The following PLBD1 variants were observed in gnomAD, a reference collection of about 807,000 sequenced individuals.
The protein encoded by PLBD1 is phospholipase B domain containing 1.
In PLBD1, 60 loss-of-function variants were observed where a neutral mutation model predicts 63.0. The ratio of observed to expected loss-of-function variants is 0.95; its 90% CI spans 0.77 to 1.18. The LOEUF is 1.18. Among genes scored for constraint, PLBD1 ranks in the 50% most tolerant of loss-of-function variants. The probability of loss-of-function intolerance (pLI) is 0.00; values close to 1 mark genes in which losing one functional copy is unlikely to be tolerated. For missense variants in PLBD1, 598 were observed against 677.9 expected (o/e 0.88, Z 1.31); for synonymous variants, 262 against 248.0 (o/e 1.06, Z -0.53).
At chr12:14,535,844 C>A in intron 5 of PLBD1, 41 bp from the exon 6 acceptor site, 1 of 1,587,514 alleles carries the variant, frequency 6.3e-7, no homozygotes. Flanking sequence ...ATGTACATAG[C>A]TAACTGACTG....
chr12:14,526,847 C>T (rs1488504382), intron 6 of PLBD1, among the ~76,000 whole-genome samples: 1 of 152,138 alleles, frequency 6.6e-6, no homozygotes, highest in African/African-American at 2.4e-5. Flanking sequence ...TGGCGCATGC[C>T]TGTAATCCCA....
Position 14,564,940 on chromosome 12 carries a change from A to C in PLBD1, c.115+2642T>G, listed in dbSNP as rs1299871840. 4.6e-5 allele frequency among the ~76,000 whole-genome samples: 7 copies of C among 152,312 alleles called. No homozygotes were observed. In the East Asian group the frequency reaches 1.4e-3, roughly 29 times the overall value. On this transcript the variant is annotated intron_variant, in intron 1 of 10. Coordinates refer to ENST00000240617, the MANE Select transcript of PLBD1 (RefSeq NM_024829.6). ...TTTTTCAGAACCAGATAAAGGTATG[A>C]TTTATTTCTCTAGTGACCACCTGAC...
intron 6 of PLBD1, among the ~76,000 whole-genome samples, chr12:14,515,214 A>T (rs1020422682): frequency 2.6e-5 from 4 of 152,150 alleles, no homozygotes; most frequent in Non-Finnish European, 5.9e-5. Flanking sequence ...GACAGGGTGG[A>T]GTTGAGGGAA....
At chr12:14,543,035 G>A (rs78680595) in intron 2 of PLBD1, among the ~76,000 whole-genome samples, 5,594 of 151,312 alleles carry the variant, frequency 0.037, 358 homozygotes, top group African/African-American at 0.13. Context: ...TGTCTCATAT[G>A]GTGTACAGTT....
chr12:14,531,700 G>A (rs564667409), intron 6 of PLBD1, among the ~76,000 whole-genome samples: 2 of 152,174 alleles, frequency 1.3e-5, no homozygotes, highest in South Asian at 2.1e-4. Flanking sequence ...GTGCTATCTC[G>A]GCTCCCTGCA....
intron 6 of PLBD1, chr12:14,530,069 G>A (rs1397142919): frequency 1.3e-5 from 2 of 152,198 alleles, no homozygotes; most frequent in Admixed American, 1.3e-4. Flanking sequence ...GTGGAAGTGA[G>A]CGTGTGTGAC....
intron 1 of PLBD1, among the ~76,000 whole-genome samples, chr12:14,558,376 T>C (rs1945722850): frequency 6.6e-6 from 1 of 152,132 alleles, no homozygotes; most frequent in Non-Finnish European, 1.5e-5. Flanking sequence ...TTGGCCACAA[T>C]TTGACAATTG....
intron 6 of PLBD1, among the ~76,000 whole-genome samples, chr12:14,535,154 T>G (rs1250026434): frequency 1.3e-5 from 2 of 152,236 alleles, no homozygotes; most frequent in African/African-American, 4.8e-5. Flanking sequence ...TTACACTTTA[T>G]ATTGTCCTCT....
chr12:14,522,173 C>A lies in PLBD1; in HGVS notation c.845-10462G>T, dbSNP rs865885389. Among the ~76,000 whole-genome samples the A allele has an allele frequency of 1.2e-4, 18 of 152,148 alleles. No homozygotes were observed. In the South Asian group the frequency reaches 1.7e-3, roughly 14 times the overall value. On this transcript the variant is annotated intron_variant, in intron 6 of 10. Coordinates refer to ENST00000240617, the MANE Select transcript of PLBD1 (RefSeq NM_024829.6). ...GAGGGAGAAGAGATGGAGAAGGGCA[C>A]AGAAAGCTTCACAAAATAATAGCAG...
chr12:14,538,541 T>C (rs527480847), intron 4 of PLBD1, among the ~76,000 whole-genome samples: 9 of 152,298 alleles, frequency 5.9e-5, no homozygotes, highest in African/African-American at 2.2e-4. Context: ...TGTATTATAA[T>C]ATTTTTAACT....
chr12:14,521,004 A>T (rs1301498026), intron 6 of PLBD1, among the ~76,000 whole-genome samples: 1 of 152,136 alleles, frequency 6.6e-6, no homozygotes, highest in African/African-American at 2.4e-5. Context: ...ACTATAGTAC[A>T]CTGTGCTCTG....
At chr12:14,511,434 G>A (rs375873621) in intron 7 of PLBD1, 34 bp from the exon 8 acceptor site, 1 of 1,613,464 alleles carries the variant, frequency 6.2e-7, no homozygotes, top group East Asian at 2.2e-5. Context: ...ACGGGGCATG[G>A]GTATGACTTT....
chr12:14,510,483 T>G (rs1396673462), intron 8 of PLBD1, among the ~76,000 whole-genome samples: 1 of 152,226 alleles, frequency 6.6e-6, no homozygotes, highest in Non-Finnish European at 1.5e-5. Flanking sequence ...GTCATTTTCT[T>G]GCTACCAAGT....
At chr12:14,548,867 G>A (rs577217398) in intron 2 of PLBD1, among the ~76,000 whole-genome samples, 2 of 152,304 alleles carry the variant, frequency 1.3e-5, no homozygotes, top group South Asian at 2.1e-4. Flanking sequence ...CAGCAGCCGC[G>A]TGAACAACAT....
At chr12:14,510,265 G>T (rs1410943307) in intron 8 of PLBD1, among the ~76,000 whole-genome samples, 1 of 152,066 alleles carries the variant, frequency 6.6e-6, no homozygotes, top group Non-Finnish European at 1.5e-5. Context: ...GTGGTGGCAC[G>T]TGCCTGTAGT....
chr12:14,564,069 A>G (rs1464321930), intron 1 of PLBD1, among the ~76,000 whole-genome samples: 1 of 152,162 alleles, frequency 6.6e-6, no homozygotes, highest in African/African-American at 2.4e-5. Flanking sequence ...GTGAGACTCT[A>G]TCTCTACAAA....
rs574946481 is a variant in PLBD1 at position 14,535,566 on chromosome 12, A to C, written c.844+93T>G. The C allele has an allele frequency of 4.0e-4, 551 of 1,378,976 alleles. 3 individuals carry two copies. In the South Asian group the frequency reaches 6.5e-3, roughly 16 times the overall value. The allele number at this position is 1,378,976 out of a possible 1,614,324, so 85.4% of individuals were successfully genotyped here. ...TGTTAATATATACTAACCATTAAAC[A>C]TTTCTTCTCCCATTGCAGTTAACAC... On this transcript the variant is annotated intron_variant, in intron 6 of 10. Transcript: ENST00000240617.
intron 2 of PLBD1, among the ~76,000 whole-genome samples, chr12:14,543,703 C>T (rs527682278): frequency 1.3e-5 from 2 of 152,158 alleles, no homozygotes; most frequent in South Asian, 2.1e-4. Context: ...CCAGCCTGGG[C>T]AACAGAGCAA....
intron 1 of PLBD1, among the ~76,000 whole-genome samples, chr12:14,560,855 CCACTGTGGA>C (rs1175718901): frequency 6.6e-6 from 1 of 152,030 alleles, no homozygotes; most frequent in Admixed American, 6.6e-5. Flanking sequence ...GAGCTGGTTT[CCACTGTGGA>C]CACAGGGGTT....
Sources: allele counts gnomAD v4.1 joint callset (sites outside exome capture counted in the v4.1 genomes callset), GRCh38; gene constraint gnomAD v4.1.1; transcripts MANE v1.5; gene names NCBI Gene and HGNC (gene_info 2026-07-23, HGNC 2026-07-21).